AFAP1L2: variants seen among roughly 807,000 people sequenced by gnomAD.
The protein encoded by AFAP1L2 is actin filament associated protein 1 like 2.
Under a neutral mutation model 99.3 loss-of-function variants are expected in AFAP1L2, and 46 were observed. That is an observed-to-expected ratio of 0.46 (90% CI 0.37 to 0.59). The LOEUF (loss-of-function observed/expected upper bound fraction) is 0.59. Among genes scored for constraint, AFAP1L2 ranks in the 20% least tolerant of loss-of-function variants. The pLI, the probability that AFAP1L2 is intolerant of heterozygous loss-of-function variation, is 0.00. For synonymous variants in AFAP1L2, 397 were observed against 419.1 expected, an observed-to-expected ratio of 0.95 and a Z score of 0.64; for missense variants, 959 against 1,034.9, an observed-to-expected ratio of 0.93 and a Z score of 1.01.
intron 4 of AFAP1L2, chr10:114,326,129 C>A: frequency 1.9e-6 from 2 of 1,056,202 alleles, no homozygotes; most frequent in Non-Finnish European, 2.5e-6. Flanking sequence ...TCCCTGGGGG[C>A]CTCCTGTCCT....
rs768321801 is a variant in AFAP1L2, at chr10:114,301,478, C to T, written c.1431-13G>A. 4.9e-5 allele frequency: 78 copies of T among 1,587,408 alleles called. No homozygotes were observed. Among genetic ancestry groups the T allele is most frequent in the East Asian group, 1.1e-4 (5 of 44,754 alleles). ...TCTCTGCATCAGTCTGGAAACAGGGCGAGGTGGCACACATGAAGCAGCCGG... is the reference window on the plus strand; with the variant it reads ...TCTCTGCATCAGTCTGGAAACAGGGTGAGGTGGCACACATGAAGCAGCCGG... On this transcript the variant is annotated splice_polypyrimidine_tract_variant and intron_variant, in intron 12 of 18. Transcript: ENST00000304129.
intron 7 of AFAP1L2, among the ~76,000 whole-genome samples, chr10:114,311,560 G>C (rs984921371): frequency 2.0e-5 from 3 of 152,224 alleles, no homozygotes; most frequent in African/African-American, 7.2e-5. Context: ...GCATCTGTAA[G>C]CTGGGTCAAT....
At chr10:114,290,313 G>A (rs1380241811), downstream of AFAP1L2, 5 of 1,550,626 alleles carry the variant, frequency 3.2e-6, no homozygotes, top group East Asian at 2.4e-5. Flanking sequence ...TGCAGAATGG[G>A]AGCTACCGCT....
intron 13 of AFAP1L2, 84 bp downstream of exon 13, chr10:114,301,270 C>T: frequency 2.6e-6 from 3 of 1,164,818 alleles, no homozygotes; most frequent in Admixed American, 1.8e-5. Context: ...CAGGGATACT[C>T]TAATGATCTC....
intron 2 of AFAP1L2, among the ~76,000 whole-genome samples, chr10:114,339,787 A>C (rs1348921676): frequency 6.9e-6 from 1 of 144,372 alleles, no homozygotes; most frequent in Non-Finnish European, 1.5e-5. Flanking sequence ...GCTGAGGTGG[A>C]TGGATCACCT....
chr10:114,373,857 C>T (rs368636372), intron 1 of AFAP1L2, among the ~76,000 whole-genome samples: 4 of 152,130 alleles, frequency 2.6e-5, no homozygotes, highest in African/African-American at 9.7e-5. Context: ...CTGCCAACCC[C>T]TTATCCCCCA....
rs543812712 is a variant in AFAP1L2 at position 114,359,393 on chromosome 10, T to C, written c.17-18662A>G. The stretch of plus-strand genomic sequence containing the variant: ...ACTCAAATGCATTTTGTGAGCCCCA[T>C]GTGTAAACTTTCCTTGTACTTCTTA... On this transcript the variant is annotated intron_variant, in intron 1 of 18. Transcript: ENST00000304129. 3.9e-5 allele frequency among the ~76,000 whole-genome samples: 6 copies of C among 152,322 alleles called. No individual in the cohort carries two copies. The East Asian group carries it at 1.2e-3, about 29-fold the overall frequency.
chr10:114,398,551 A>G (rs970907500), intron 1 of AFAP1L2, among the ~76,000 whole-genome samples: 3 of 152,266 alleles, frequency 2.0e-5, no homozygotes, highest in African/African-American at 7.2e-5. Flanking sequence ...GTCTTTACCA[A>G]TAGCTCTTAC....
intron 11 of AFAP1L2, 50 bp from the exon 12 acceptor site, chr10:114,302,534 G>T (rs368677734): frequency 1.2e-6 from 2 of 1,609,088 alleles, no homozygotes; most frequent in African/African-American, 1.3e-5. Flanking sequence ...GTGCTGCCTG[G>T]TGCCAGCCCC....
chr10:114,306,624 C>A (rs2042495660), intron 10 of AFAP1L2, among the ~76,000 whole-genome samples: 1 of 152,008 alleles, frequency 6.6e-6, no homozygotes, highest in Admixed American at 6.5e-5. Flanking sequence ...GAGACCAGGA[C>A]TGAGATGACA....
Position 114,296,077 on chromosome 10 carries a change from C to A in AFAP1L2, c.2431-9G>T, listed in dbSNP as rs1407173343. 6.2e-7 allele frequency: 1 copy of A among 1,614,018 alleles called. No individual in the cohort carries two copies. Among genetic ancestry groups the A allele is most frequent in the Non-Finnish European group, 8.5e-7 (1 of 1,180,006 alleles). ...CCTTTCTTCTCCCATTCCTAGGGTA[C>A]CATTCAAATACCAGCACCCACCCCC... is the stretch of plus-strand genomic sequence containing the variant. On this transcript the variant is annotated splice_polypyrimidine_tract_variant and intron_variant, in intron 18 of 18. Coordinates refer to ENST00000304129, the MANE Select transcript of AFAP1L2 (RefSeq NM_001001936.3).
chr10:114,362,549 G>T (rs942008069), intron 1 of AFAP1L2, among the ~76,000 whole-genome samples: 7 of 152,186 alleles, frequency 4.6e-5, no homozygotes, highest in Non-Finnish European at 1.0e-4. Flanking sequence ...AGGAAGGATA[G>T]TTCCCTAGAA....
chr10:114,335,416 TC>T (rs1481213135), intron 2 of AFAP1L2, among the ~76,000 whole-genome samples: 1 of 151,904 alleles, frequency 6.6e-6, no homozygotes, highest in Admixed American at 6.6e-5. Flanking sequence ...ATCGAGACCA[TC>T]CTGGCTAACA....
At chr10:114,330,618 C>A (rs2135551737) in intron 4 of AFAP1L2, among the ~76,000 whole-genome samples, 1 of 152,288 alleles carries the variant, frequency 6.6e-6, no homozygotes, top group South Asian at 2.1e-4. Context: ...AGCATTTCTT[C>A]CATATAAACC....
chr10:114,354,155 G>A (rs1157044412), intron 1 of AFAP1L2, among the ~76,000 whole-genome samples: 2 of 152,268 alleles, frequency 1.3e-5, no homozygotes, highest in East Asian at 3.9e-4. Context: ...TGGATGGAAC[G>A]TGATTGTTAA....
chr10:114,286,691 T>A, the AFAP1L2 span, among the ~76,000 whole-genome samples: 1 of 152,254 alleles, frequency 6.6e-6, no homozygotes, highest in Non-Finnish European at 1.5e-5. Context: ...AAAATGGGAC[T>A]AATAGTAGTA....
chr10:114,390,593 C>T (rs981072215), intron 1 of AFAP1L2, among the ~76,000 whole-genome samples: 1 of 152,016 alleles, frequency 6.6e-6, no homozygotes, highest in African/African-American at 2.4e-5. Context: ...TGGTGGCACG[C>T]ACCTGTAATC....
At chr10:114,286,943 T>TACAC in the AFAP1L2 span, among the ~76,000 whole-genome samples, 1 of 152,174 alleles carries the variant, frequency 6.6e-6, no homozygotes, top group African/African-American at 2.4e-5. Flanking sequence ...TATGCACACA[T>TACAC]ACACACACGG....
intron 1 of AFAP1L2, among the ~76,000 whole-genome samples, chr10:114,370,181 TATAGGTTA>T (rs2053903844): frequency 6.6e-6 from 1 of 152,216 alleles, no homozygotes; most frequent in South Asian, 2.1e-4. Flanking sequence ...TATATGTGCC[TATAGGTTA>T]ATTAAATCCA....
Sources: allele counts gnomAD v4.1 joint callset (sites outside exome capture counted in the v4.1 genomes callset), GRCh38; gene constraint gnomAD v4.1.1; transcripts MANE v1.5; gene names NCBI Gene and HGNC (gene_info 2026-07-23, HGNC 2026-07-21).